PC: variants seen among roughly 807,000 people sequenced by gnomAD.
PC encodes the protein pyruvate carboxylase, mitochondrial.
PC carries 46 observed loss-of-function variants against 107.8 expected under a neutral mutation model. The ratio of observed to expected loss-of-function variants is 0.43; its 90% confidence interval spans 0.34 to 0.55. The LOEUF is 0.55. PC is among the 20% of genes least tolerant of loss of function. PC has a pLI of 0.04. For missense variants in PC, 1,241 were observed against 1,643.1 expected, an observed-to-expected ratio of 0.76 and a Z score of 4.23; for synonymous variants, 662 against 684.7, an observed-to-expected ratio of 0.97 and a Z score of 0.52.
intron 3 of PC, among the ~76,000 whole-genome samples, chr11:66,899,977 C>T (rs545983385): frequency 2.6e-5 from 4 of 152,220 alleles, no homozygotes; most frequent in East Asian, 3.9e-4. Flanking sequence ...GTTGTTTTAG[C>T]GCCACTTGTT....
rs1329370089 is a variant in PC at position 66,870,765 on chromosome 11, G to A, written c.751+10C>T. On this transcript the variant is annotated intron_variant, in intron 8 of 22. Coordinates refer to ENST00000393960, the MANE Select transcript of PC (RefSeq NM_001040716.2). The surrounding 1 kb of genome is among the most constrained non-coding windows in gnomAD (Gnocchi z 6.1). Reference sequence around the variant, plus strand: ...CCAGCTGCCCCAGGCGGGGCGTCAGGACCACTCACCCAAGATCTGCACCTC... The same window carrying A: ...CCAGCTGCCCCAGGCGGGGCGTCAGAACCACTCACCCAAGATCTGCACCTC... The A allele has an allele frequency of 2.5e-6, 4 of 1,608,174 alleles. No individual in the cohort carries two copies. The highest frequency in any genetic ancestry group is 3.4e-6 in the Non-Finnish European group (4 of 1,177,406).
chr11:66,909,907 C>G (rs767265498), intron 3 of PC, among the ~76,000 whole-genome samples: 2 of 151,968 alleles, frequency 1.3e-5, no homozygotes, highest in Non-Finnish European at 1.5e-5. Flanking sequence ...GCTGGAACAC[C>G]GGGTATGAGC....
At position 66,858,152 on chromosome 11, in the gene PC, G is replaced by A. The variant is rs146995687; in HGVS notation, c.1369-4769C>T. On this transcript the variant is annotated intron_variant, in intron 12 of 22. Coordinates refer to ENST00000393960, the MANE Select transcript of PC (RefSeq NM_001040716.2). This position sits in a 1 kb window ranked among gnomAD's most constrained non-coding sequence, Gnocchi z 5.9. ...GCGGCAACCAGCTGGGCCGCATCGC[G>A]CCGGGAGCCTTCGACGACTTCCTAG... 7.4e-5 allele frequency: 119 copies of A among 1,610,688 alleles called. No individual in the cohort carries two copies. Among genetic ancestry groups the A allele is most frequent in the Middle Eastern group, 5.0e-4 (3 of 6,056 alleles).
chr11:66,942,998 G>A (rs990928836), intron 3 of PC, among the ~76,000 whole-genome samples: 3 of 149,858 alleles, frequency 2.0e-5, no homozygotes, highest in Admixed American at 6.7e-5. Flanking sequence ...CCTGGGCAAC[G>A]AGAGCGAAAC....
chr11:66,852,501 T>C lies in PC; in HGVS notation c.1763A>G (p.Lys588Arg), dbSNP rs761843867. Residue 588 changes from lysine (K) to arginine (R), a missense_variant, in exon 15 of 23, where the codon AAA becomes AGA. Physicochemically the swap from Lys to Arg is conservative, Grantham distance 26. This residue lies in a region of PC where 1,143 missense variants were observed against 1,551.9 expected (regional missense o/e 0.74). Transcript: ENST00000393960. The surrounding 1 kb of genome is among the most constrained non-coding windows in gnomAD (Gnocchi z 4.7). ...LATRVRTHDL[K>R]KIAPYVAHNF... ...GTGGGCAACATAGGGGGCGATCTTT[T>C]TGAGATCGTGGGTGCGCACACGAGT... 4.3e-6 allele frequency: 7 copies of C among 1,613,964 alleles called. No individual in the cohort carries two copies. Among genetic ancestry groups the C allele is most frequent in the South Asian group, 1.1e-5 (1 of 91,088 alleles).
At chr11:66,878,431 G>A (rs995864858) in intron 3 of PC, among the ~76,000 whole-genome samples, 13 of 152,218 alleles carry the variant, frequency 8.5e-5, no homozygotes, top group African/African-American at 2.4e-4. Context: ...GCCAAAGGCC[G>A]GTCACCTCCA....
chr11:66,914,737 T>C, intron 3 of PC, among the ~76,000 whole-genome samples: 1 of 152,060 alleles, frequency 6.6e-6, no homozygotes. Context: ...CCAGGGACTG[T>C]TTAGTAGTAG....
rs545063722 is a variant in PC at position 66,854,642 on chromosome 11, C to T, written c.1369-1259G>A. On this transcript the variant is annotated intron_variant, in intron 12 of 22. Coordinates refer to ENST00000393960, the MANE Select transcript of PC (RefSeq NM_001040716.2). ...GTAGCGACAGCCCTGGCTTCCACCG[C>T]GAAGAAAACACCTCCACGCGTCACT... 9.7e-4 allele frequency among the ~76,000 whole-genome samples: 148 copies of T among 152,230 alleles called. 1 individual carries two copies. The highest frequency in any genetic ancestry group is 3.3e-3 in the African/African-American group (138 of 41,526).
chr11:66,957,481 G>C (rs1456926387), intron 1 of PC, among the ~76,000 whole-genome samples: 1 of 152,202 alleles, frequency 6.6e-6, no homozygotes, highest in Non-Finnish European at 1.5e-5. Context: ...AGCTAGGCGT[G>C]GTGGCGCCCG....
chr11:66,857,745 A>T lies in PC; in HGVS notation c.1369-4362T>A, dbSNP rs1456755686. The stretch of plus-strand genomic sequence containing the variant: ...GGCCCCTTCCTACAGGGCGCTCACC[A>T]TGGCCCCGCCGCTCCTGCTGCTGCT... On this transcript the variant is annotated intron_variant, in intron 12 of 22. Coordinates refer to ENST00000393960, the MANE Select transcript of PC (RefSeq NM_001040716.2). The surrounding 1 kb of genome is among the most constrained non-coding windows in gnomAD (Gnocchi z 7.1). 1 of 1,590,760 alleles carries T rather than the reference A, an allele frequency of 6.3e-7. No homozygotes were observed. Among genetic ancestry groups the T allele is most frequent in the Admixed American group, 1.7e-5 (1 of 59,710 alleles).
At chr11:66,859,685 C>T (rs367994202) in intron 12 of PC, 29 of 1,612,850 alleles carry the variant, frequency 1.8e-5, no homozygotes, top group East Asian at 6.7e-5. Flanking sequence ...ACCTCGTCCC[C>T]GGCGCTGACT....
chr11:66,873,544 TA>T (rs1946864240), intron 3 of PC, among the ~76,000 whole-genome samples: 1 of 102,952 alleles, frequency 9.7e-6, no homozygotes, highest in Non-Finnish European at 1.8e-5. Context: ...ATATTATATA[TA>T]ATATTATAAT....
intron 3 of PC, among the ~76,000 whole-genome samples, chr11:66,914,700 T>C (rs1286616032): frequency 6.6e-6 from 1 of 152,186 alleles, no homozygotes; most frequent in Non-Finnish European, 1.5e-5. Flanking sequence ...CCTCGAGGCA[T>C]TTCTGCCGTC....
intron 3 of PC, among the ~76,000 whole-genome samples, chr11:66,940,874 G>C (rs949160754): frequency 6.5e-4 from 98 of 151,694 alleles, no homozygotes; most frequent in African/African-American, 2.3e-3. Flanking sequence ...GTCACTTGAG[G>C]TCAGGAGATC....
intron 3 of PC, among the ~76,000 whole-genome samples, chr11:66,934,894 C>T (rs554676487): frequency 3.0e-4 from 45 of 152,246 alleles, no homozygotes; most frequent in African/African-American, 9.9e-4. Flanking sequence ...TGTGAACAAC[C>T]GCGCCCAGCC....
chr11:66,900,765 A>T lies in PC; in HGVS notation c.1-28606T>A, dbSNP rs148077077. Among the ~76,000 whole-genome samples, 111 of 152,262 alleles carry T rather than the reference A, an allele frequency of 7.3e-4. 2 individuals carry two copies. The highest frequency in any genetic ancestry group is 2.5e-3 in the African/African-American group (105 of 41,536). ...ATATTTTATTTTGATGCTATCTTAA[A>T]TGGAATTGTTTTCTTCATTTTCAAT... is the stretch of plus-strand genomic sequence containing the variant. On this transcript the variant is annotated intron_variant, in intron 3 of 22. Transcript: ENST00000393960.
At chr11:66,915,393 C>T (rs560159122) in intron 3 of PC, among the ~76,000 whole-genome samples, 3 of 152,338 alleles carry the variant, frequency 2.0e-5, no homozygotes, top group East Asian at 3.9e-4. Flanking sequence ...TATAATTGAA[C>T]AGGGAATGGC....
chr11:66,917,200 T>C (rs1948482007), intron 3 of PC, among the ~76,000 whole-genome samples: 1 of 151,756 alleles, frequency 6.6e-6, no homozygotes, highest in African/African-American at 2.4e-5. Context: ...GCTTCCTGAG[T>C]AGCTGGGATT....
intron 3 of PC, among the ~76,000 whole-genome samples, chr11:66,935,938 G>T (rs1948990240): frequency 6.6e-6 from 1 of 152,034 alleles, no homozygotes; most frequent in Non-Finnish European, 1.5e-5. Flanking sequence ...AACTAGCCAG[G>T]CATGGTGGCA....
Sources: allele counts gnomAD v4.1 joint callset (sites outside exome capture counted in the v4.1 genomes callset), GRCh38; gene constraint gnomAD v4.1.1; regional missense constraint gnomAD v4.1.1; non-coding constraint Gnocchi (gnomAD v3.1); transcripts MANE v1.5; gene names NCBI Gene and HGNC (gene_info 2026-07-23, HGNC 2026-07-21).